Variants in FGGY observed in about 807,000 individuals in gnomAD.
FGGY encodes the protein FGGY carbohydrate kinase domain containing.
Under a neutral mutation model 71.3 loss-of-function variants are expected in FGGY, and 72 were observed. The observed-to-expected ratio is 1.01, with a 90% confidence interval of 0.84 to 1.23. The LOEUF (loss-of-function observed/expected upper bound fraction) is 1.23. FGGY is among the 50% of genes most tolerant of loss of function. FGGY has a pLI of 0.00. For missense variants in FGGY, 668 were observed against 682.3 expected (o/e 0.98, Z 0.23); for synonymous variants, 251 against 250.3 (o/e 1.00, Z -0.02).
chr1:59,302,841 CA>C (rs60758062), intron 1 of FGGY, among the ~76,000 whole-genome samples: 1 of 151,416 alleles, frequency 6.6e-6, no homozygotes, highest in Non-Finnish European at 1.5e-5. Flanking sequence ...TTCACAATTC[CA>C]AAAAAAACCC....
chr1:59,565,386 G>A (rs529075420), intron 8 of FGGY, among the ~76,000 whole-genome samples: 5 of 152,022 alleles, frequency 3.3e-5, no homozygotes, highest in Admixed American at 1.3e-4. Context: ...CCGGGTTCAC[G>A]CCAGTCTCCT....
rs75673901 is a variant in FGGY at position 59,730,767 on chromosome 1, C to G, written c.1513-27164C>G. 7.4e-4 allele frequency among the ~76,000 whole-genome samples: 112 copies of G among 152,252 alleles called. 3 individuals carry two copies. The East Asian group carries it at 0.018, about 24-fold the overall frequency. On this transcript the variant is annotated intron_variant, in intron 14 of 15. Transcript: ENST00000303721. ...GAGGGAGGTAGAGGTAAAGCATTGCCAGAGAAGAAAACCATCACCTGAGTT... is the reference window on the plus strand; with the variant it reads ...GAGGGAGGTAGAGGTAAAGCATTGCGAGAGAAGAAAACCATCACCTGAGTT...
intron 7 of FGGY, among the ~76,000 whole-genome samples, chr1:59,524,070 C>A (rs970787848): frequency 6.6e-6 from 1 of 152,246 alleles, no homozygotes; most frequent in Admixed American, 6.5e-5. Context: ...AGGAAGCCCC[C>A]CTTCCTTTGC....
intron 2 of FGGY, among the ~76,000 whole-genome samples, chr1:59,328,380 C>T (rs1385096175): frequency 1.3e-5 from 2 of 152,200 alleles, no homozygotes; most frequent in African/African-American, 4.8e-5. Context: ...CTGGTAGCTT[C>T]AAACTTTTCA....
intron 8 of FGGY, among the ~76,000 whole-genome samples, chr1:59,595,645 G>A (rs937038831): frequency 6.6e-6 from 1 of 152,024 alleles, no homozygotes; most frequent in African/African-American, 2.4e-5. Flanking sequence ...AGCCGAGATC[G>A]CGCCATTGCA....
At chr1:59,718,260 T>A (rs952518910) in intron 14 of FGGY, among the ~76,000 whole-genome samples, 6 of 152,224 alleles carry the variant, frequency 3.9e-5, no homozygotes, top group Non-Finnish European at 8.8e-5. Flanking sequence ...CTGCCTCCTG[T>A]TGGTGTGAAA....
At chr1:59,597,599 T>C (rs2096536760) in intron 8 of FGGY, among the ~76,000 whole-genome samples, 1 of 152,198 alleles carries the variant, frequency 6.6e-6, no homozygotes, top group South Asian at 2.1e-4. Context: ...ACAGGCTACA[T>C]TTCTCTGGGT....
intron 7 of FGGY, among the ~76,000 whole-genome samples, chr1:59,536,998 G>T (rs1414843832): frequency 6.6e-6 from 1 of 151,952 alleles, no homozygotes; most frequent in East Asian, 1.9e-4. Flanking sequence ...TCTGGCCAGG[G>T]CAATCAGGTA....
chr1:59,745,199 C>A (rs557463902), intron 14 of FGGY, among the ~76,000 whole-genome samples: 5 of 152,128 alleles, frequency 3.3e-5, no homozygotes, highest in Non-Finnish European at 2.9e-5. Flanking sequence ...CGTAAACAGT[C>A]TAAGGCCAGC....
chr1:59,743,602 CTT>C (rs56166782), intron 14 of FGGY, among the ~76,000 whole-genome samples: 46 of 147,860 alleles, frequency 3.1e-4, no homozygotes, highest in South Asian at 6.4e-4. Flanking sequence ...ATTTCCAGAT[CTT>C]TTTTTTTTTT....
chr1:59,429,491 T>TA (rs1375759705), intron 5 of FGGY, among the ~76,000 whole-genome samples: 1 of 152,176 alleles, frequency 6.6e-6, no homozygotes, highest in East Asian at 1.9e-4. Context: ...GACATGAAAA[T>TA]ACAACCCTCA....
chr1:59,762,066 ATTTT>A (rs3990362), intron 15 of FGGY, among the ~76,000 whole-genome samples: 42,330 of 141,442 alleles, frequency 0.3, 6,538 homozygotes, highest in Non-Finnish European at 0.38. Flanking sequence ...TCATTTAGGA[ATTTT>A]TTTTTTTTTT....
intron 1 of FGGY, among the ~76,000 whole-genome samples, chr1:59,298,782 C>G (rs1401991351): frequency 1.3e-5 from 2 of 152,170 alleles, no homozygotes. Context: ...CCAGAACGTG[C>G]TACAGAGATC....
intron 13 of FGGY, among the ~76,000 whole-genome samples, chr1:59,672,854 A>G (rs1237543588): frequency 2.0e-5 from 3 of 152,212 alleles, no homozygotes; most frequent in Non-Finnish European, 4.4e-5. Context: ...ACTAATCTAT[A>G]CATTATAGAC....
At chr1:59,404,775 A>G (rs2062489014) in intron 5 of FGGY, among the ~76,000 whole-genome samples, 1 of 152,110 alleles carries the variant, frequency 6.6e-6, no homozygotes, top group Non-Finnish European at 1.5e-5. Context: ...TTAGATGAGG[A>G]GGGTGAGAAC....
intron 6 of FGGY, among the ~76,000 whole-genome samples, chr1:59,462,033 G>GTTC (rs1451039117): frequency 6.8e-6 from 1 of 146,482 alleles, no homozygotes; most frequent in Non-Finnish European, 1.5e-5. Flanking sequence ...GTGTCCATGT[G>GTTC]TTCTCATTGT....
At chr1:59,474,839 TCTGA>T (rs1390234961) in intron 6 of FGGY, among the ~76,000 whole-genome samples, 2 of 152,254 alleles carry the variant, frequency 1.3e-5, no homozygotes, top group Non-Finnish European at 2.9e-5. Flanking sequence ...TGACTTCAAT[TCTGA>T]CTGTCATCTG....
chr1:59,745,996 T>G (rs1483111542), intron 14 of FGGY, among the ~76,000 whole-genome samples: 1 of 152,056 alleles, frequency 6.6e-6, no homozygotes, highest in Non-Finnish European at 1.5e-5. Context: ...GAAATGGAGA[T>G]GAAGGTCCCG....
intron 12 of FGGY, among the ~76,000 whole-genome samples, chr1:59,664,834 A>G (rs954812364): frequency 6.6e-6 from 1 of 152,150 alleles, no homozygotes; most frequent in Non-Finnish European, 1.5e-5. Flanking sequence ...GTATTACTAG[A>G]TTTCATCAAG....
Sources: gnomAD v4.1 joint callset for allele counts (sites outside exome capture counted in the v4.1 genomes callset) on GRCh38, gnomAD v4.1.1 for gene constraint, MANE v1.5 for transcripts, NCBI Gene and HGNC (gene_info 2026-07-23, HGNC 2026-07-21) for gene names.